PTPRT: variants seen among roughly 807,000 people sequenced by gnomAD.
PTPRT encodes the protein protein tyrosine phosphatase receptor type T, also known as receptor-type tyrosine-protein phosphatase T.
In PTPRT, 56 loss-of-function variants were observed where a neutral mutation model predicts 176.8. The observed-to-expected ratio is 0.32, with a 90% confidence interval of 0.26 to 0.40. The LOEUF is 0.40. Among genes scored for constraint, PTPRT ranks in the 10% least tolerant of loss-of-function variants. The pLI, the probability that PTPRT is intolerant of heterozygous loss-of-function variation, is 1.00. For missense variants in PTPRT, 1,540 were observed against 1,908.2 expected (o/e 0.81, Z 3.60); for synonymous variants, 783 against 739.0 (o/e 1.06, Z -0.96).
intron 1 of PTPRT, among the ~76,000 whole-genome samples, chr20:42,922,137 T>C (rs1327113587): frequency 1.3e-5 from 2 of 152,172 alleles, no homozygotes; most frequent in Non-Finnish European, 2.9e-5. Context: ...GGTTTCGCTA[T>C]ATTGGCCAGG....
chr20:42,493,123 C>T lies in PTPRT; in HGVS notation c.1154-20561G>A, dbSNP rs994095224. On this transcript the variant is annotated intron_variant, in intron 7 of 30. Transcript: ENST00000373187. ...AGTTTTAAATACTATGTGCCAGGGACTTGGCTAAGCATTTTGCTGGTGTCA... is the reference window on the plus strand; with the variant it reads ...AGTTTTAAATACTATGTGCCAGGGATTTGGCTAAGCATTTTGCTGGTGTCA... Among the ~76,000 whole-genome samples, 62 of 152,178 alleles carry T rather than the reference C, an allele frequency of 4.1e-4. 3 individuals are homozygous for T. Among genetic ancestry groups the T allele is most frequent in the Admixed American group, 3.9e-4 (6 of 15,258 alleles).
chr20:42,624,477 A>G (rs916797991), intron 7 of PTPRT, among the ~76,000 whole-genome samples: 1 of 152,222 alleles, frequency 6.6e-6, no homozygotes, highest in Non-Finnish European at 1.5e-5. Flanking sequence ...TGCTCAAACT[A>G]TTGAAAAAAA....
chr20:42,877,085 G>A (rs766926813), intron 2 of PTPRT, among the ~76,000 whole-genome samples: 2 of 152,036 alleles, frequency 1.3e-5, no homozygotes, highest in African/African-American at 4.8e-5. Flanking sequence ...TAAAAAATAC[G>A]AAGTTTCTGG....
intron 18 of PTPRT, among the ~76,000 whole-genome samples, chr20:42,136,957 C>A (rs73114449): frequency 0.15 from 23,166 of 152,124 alleles, 2,236 homozygotes; most frequent in Non-Finnish European, 0.21. Flanking sequence ...TATGTATATA[C>A]CCACTTCCAT....
intron 9 of PTPRT, among the ~76,000 whole-genome samples, chr20:42,381,657 G>A (rs2058699407): frequency 6.6e-6 from 1 of 152,040 alleles, no homozygotes. Context: ...AAGGGAAGGA[G>A]GAGTGGAAGA....
intron 1 of PTPRT, among the ~76,000 whole-genome samples, chr20:42,973,380 A>T (rs1250573738): frequency 1.3e-5 from 2 of 152,054 alleles, no homozygotes; most frequent in African/African-American, 2.4e-5. Flanking sequence ...GTCAGCTCAA[A>T]TGTCACCTCC....
intron 15 of PTPRT, among the ~76,000 whole-genome samples, chr20:42,213,660 G>C (rs2055699205): frequency 6.6e-6 from 1 of 152,202 alleles, no homozygotes; most frequent in African/African-American, 2.4e-5. Flanking sequence ...AATTTGGACA[G>C]AAGTGCACTG....
chr20:43,077,325 C>G (rs2146281762), intron 1 of PTPRT, among the ~76,000 whole-genome samples: 1 of 152,292 alleles, frequency 6.6e-6, no homozygotes, highest in East Asian at 1.9e-4. Context: ...ACAGGCTGCA[C>G]AGCTCATGAA....
At chr20:43,180,614 C>T (rs574367487) in intron 1 of PTPRT, among the ~76,000 whole-genome samples, 31 of 152,158 alleles carry the variant, frequency 2.0e-4, no homozygotes, top group Admixed American at 3.3e-4. Flanking sequence ...CAGGCACACA[C>T]CATCATGCCC....
chr20:42,433,761 G>C (rs960167006), intron 9 of PTPRT, among the ~76,000 whole-genome samples: 1 of 152,170 alleles, frequency 6.6e-6, no homozygotes, highest in African/African-American at 2.4e-5. Context: ...TGAACATAGT[G>C]AGCTATTATT....
intron 11 of PTPRT, among the ~76,000 whole-genome samples, chr20:42,344,695 C>T (rs1172245736): frequency 6.6e-6 from 1 of 152,144 alleles, no homozygotes; most frequent in Non-Finnish European, 1.5e-5. Context: ...GGCCTGTTTG[C>T]TCAGAGAAGG....
chr20:42,834,790 T>A (rs2078153033), intron 2 of PTPRT, among the ~76,000 whole-genome samples: 1 of 152,094 alleles, frequency 6.6e-6, no homozygotes. Context: ...TACACATTTG[T>A]CTAAACCCAT....
At chr20:42,128,414 AC>A (rs1028224173) in intron 19 of PTPRT, among the ~76,000 whole-genome samples, 17 of 152,146 alleles carry the variant, frequency 1.1e-4, no homozygotes, top group African/African-American at 4.1e-4. Flanking sequence ...CATCTAGTAT[AC>A]ATTTTACAGT....
chr20:42,307,055 A>G (rs1488076000), intron 12 of PTPRT, among the ~76,000 whole-genome samples: 1 of 152,216 alleles, frequency 6.6e-6, no homozygotes, highest in Non-Finnish European at 1.5e-5. Context: ...AAGTCTGGGT[A>G]TTATAAGAAT....
chr20:43,021,646 G>C (rs1055844639), intron 1 of PTPRT, among the ~76,000 whole-genome samples: 5 of 152,060 alleles, frequency 3.3e-5, no homozygotes, highest in African/African-American at 1.2e-4. Context: ...TTCCAACCTA[G>C]CCCTAACAGA....
At chr20:42,680,954 C>T (rs775794133) in intron 6 of PTPRT, among the ~76,000 whole-genome samples, 1 of 152,122 alleles carries the variant, frequency 6.6e-6, no homozygotes, top group African/African-American at 2.4e-5. Flanking sequence ...AAGAGTAGAC[C>T]ATGTAAGTTT....
rs529870990 is a variant in PTPRT, at chr20:42,271,371, C to T, written c.2176+11118G>A. On this transcript the variant is annotated intron_variant, in intron 13 of 30. Coordinates refer to ENST00000373187, the MANE Select transcript of PTPRT (RefSeq NM_007050.6). ...GGTGTCAGTTTATAACCTGTTACCT[C>T]TAGGGAGTCTTTAGTACGTCAGTGA... 1.3e-3 allele frequency among the ~76,000 whole-genome samples: 202 copies of T among 152,310 alleles called. 2 individuals carry two copies. The highest frequency in any genetic ancestry group is 4.3e-3 in the African/African-American group (178 of 41,584).
At chr20:42,258,181 G>A (rs111717120) in intron 13 of PTPRT, among the ~76,000 whole-genome samples, 3 of 152,168 alleles carry the variant, frequency 2.0e-5, no homozygotes, top group African/African-American at 7.2e-5. Flanking sequence ...GTCTCTGCCG[G>A]GTTTGCCACC....
chr20:42,995,206 T>C (rs1052453170), intron 1 of PTPRT, among the ~76,000 whole-genome samples: 12 of 152,226 alleles, frequency 7.9e-5, no homozygotes, highest in African/African-American at 2.4e-4. Context: ...TAGTTTTACA[T>C]AGTTTCTACT....
Sources: allele counts gnomAD v4.1 joint callset (sites outside exome capture counted in the v4.1 genomes callset), GRCh38; gene constraint gnomAD v4.1.1; transcripts MANE v1.5; gene names NCBI Gene and HGNC (gene_info 2026-07-23, HGNC 2026-07-21).